TINAG: variants seen among roughly 807,000 people sequenced by gnomAD.
The protein encoded by TINAG is tubulointerstitial nephritis antigen.
TINAG carries 83 observed loss-of-function variants against 72.7 expected under a neutral mutation model. That is an observed-to-expected ratio of 1.14 (90% CI 0.96 to 1.37). The LOEUF (loss-of-function observed/expected upper bound fraction) is 1.37, where lower values mean the gene tolerates loss of function less well. TINAG is among the 40% of genes most tolerant of loss of function. The pLI, the probability that TINAG is intolerant of heterozygous loss-of-function variation, is 0.00. For missense variants in TINAG, 685 were observed against 576.6 expected, an observed-to-expected ratio of 1.19 and a Z score of -1.93; for synonymous variants, 234 against 189.9, an observed-to-expected ratio of 1.23 and a Z score of -1.91.
At chr6:54,345,797 C>T (rs1010177104) in intron 5 of TINAG, among the ~76,000 whole-genome samples, 2 of 151,844 alleles carry the variant, frequency 1.3e-5, no homozygotes, top group Non-Finnish European at 2.9e-5. Flanking sequence ...CAGCAATTTC[C>T]CTAAAGCATT....
chr6:54,370,320 G>A (rs1195657637), intron 9 of TINAG, among the ~76,000 whole-genome samples: 1 of 151,908 alleles, frequency 6.6e-6, no homozygotes, highest in Non-Finnish European at 1.5e-5. Context: ...TAAAGGTGGT[G>A]AAAAGAAAAG....
chr6:54,343,918 G>C (rs535405135), intron 5 of TINAG, among the ~76,000 whole-genome samples: 108 of 152,184 alleles, frequency 7.1e-4, no homozygotes, highest in African/African-American at 2.4e-3. Flanking sequence ...TAAGTCTACT[G>C]TTACTCAAAA....
chr6:54,324,388 C>T (rs1038537677), intron 3 of TINAG, among the ~76,000 whole-genome samples: 2 of 152,148 alleles, frequency 1.3e-5, no homozygotes, highest in Admixed American at 1.3e-4. Context: ...TTGGCTTCTT[C>T]TCATAATTAT....
At chr6:54,320,449 T>C (rs1016310720) in intron 1 of TINAG, 130 bp from the exon 2 acceptor site, 9 of 632,686 alleles carry the variant, frequency 1.4e-5, no homozygotes, top group Non-Finnish European at 2.4e-5. Context: ...CATGGATTTC[T>C]ATCAGCTTTT....
chr6:54,321,453 C>A, intron 3 of TINAG, 67 bp downstream of exon 3: 1 of 1,098,268 alleles, frequency 9.1e-7, no homozygotes, highest in Non-Finnish European at 1.4e-6. Context: ...CAATGTATTG[C>A]TTGGTTTCTA....
intron 9 of TINAG, among the ~76,000 whole-genome samples, chr6:54,380,016 G>T (rs1414336816): frequency 6.6e-6 from 1 of 152,032 alleles, no homozygotes; most frequent in African/African-American, 2.4e-5. Context: ...ACTTGTGAGT[G>T]AGAACATGCA....
chr6:54,320,444 AT>A, intron 1 of TINAG, 134 bp from the exon 2 acceptor site: 1 of 613,528 alleles, frequency 1.6e-6, no homozygotes, highest in Non-Finnish European at 2.7e-6. Flanking sequence ...CCTGACATGG[AT>A]TTCTATCAGC....
Position 54,380,942 on chromosome 6 carries a change from T to C in TINAG, c.1296+371T>C, listed in dbSNP as rs1012771927. On this transcript the variant is annotated intron_variant, in intron 10 of 10. Coordinates refer to ENST00000259782, the MANE Select transcript of TINAG (RefSeq NM_014464.4). ...GTTATGTTAGTATCATATATATACA[T>C]ATATATGTATATATATCCTATAGGA... Among the ~76,000 whole-genome samples the C allele has an allele frequency of 2.0e-5, 3 of 148,242 alleles. No homozygotes were observed. In the Admixed American group the frequency reaches 2.0e-4, roughly 10 times the overall value.
intron 1 of TINAG, among the ~76,000 whole-genome samples, chr6:54,315,127 T>G (rs1784342816): frequency 6.6e-6 from 1 of 152,168 alleles, no homozygotes; most frequent in Non-Finnish European, 1.5e-5. Flanking sequence ...TCCTCTGAGA[T>G]TCTATGATCA....
intron 9 of TINAG, among the ~76,000 whole-genome samples, chr6:54,364,623 TA>T (rs778226388): frequency 2.6e-5 from 4 of 151,288 alleles, no homozygotes; most frequent in Admixed American, 6.6e-5. Context: ...TATGAGAAAA[TA>T]AAAAAGTAAT....
intron 4 of TINAG, among the ~76,000 whole-genome samples, chr6:54,329,945 C>A (rs1201670044): frequency 6.6e-6 from 1 of 151,824 alleles, no homozygotes; most frequent in African/African-American, 2.4e-5. Flanking sequence ...TGTATGCACC[C>A]AATACAGGAG....
chr6:54,319,474 C>T (rs538294443), intron 1 of TINAG, among the ~76,000 whole-genome samples: 7 of 152,074 alleles, frequency 4.6e-5, no homozygotes, highest in African/African-American at 1.4e-4. Flanking sequence ...ATGATTGTGA[C>T]GTACCAAAAT....
intron 10 of TINAG, among the ~76,000 whole-genome samples, chr6:54,382,904 C>A (rs1562187474): frequency 6.6e-6 from 1 of 152,188 alleles, no homozygotes; most frequent in East Asian, 1.9e-4. Flanking sequence ...GAAGAGGAAC[C>A]TATCTTCTCA....
intron 1 of TINAG, among the ~76,000 whole-genome samples, chr6:54,310,837 T>G (rs1784235606): frequency 6.7e-6 from 1 of 149,636 alleles, no homozygotes; most frequent in Non-Finnish European, 1.5e-5. Flanking sequence ...TCTTTCTTTT[T>G]TCTCTCTCTC....
intron 10 of TINAG, among the ~76,000 whole-genome samples, chr6:54,389,079 C>T (rs1157801101): frequency 6.6e-6 from 1 of 152,002 alleles, no homozygotes; most frequent in Non-Finnish European, 1.5e-5. Context: ...ATGTTCTTTC[C>T]TCCCCTTCCA....
chr6:54,364,893 T>C (rs1344233807), intron 9 of TINAG, among the ~76,000 whole-genome samples: 1 of 151,506 alleles, frequency 6.6e-6, no homozygotes, highest in Non-Finnish European at 1.5e-5. Context: ...ATATTTTCCA[T>C]ACAAATAAAT....
At chr6:54,384,596 AATG>A (rs936353895) in intron 10 of TINAG, among the ~76,000 whole-genome samples, 2 of 152,292 alleles carry the variant, frequency 1.3e-5, no homozygotes, top group African/African-American at 4.8e-5. Flanking sequence ...TAATATTGAT[AATG>A]ATGAAGATAA....
At chr6:54,341,082 G>A (rs1784985749) in intron 4 of TINAG, among the ~76,000 whole-genome samples, 1 of 151,962 alleles carries the variant, frequency 6.6e-6, no homozygotes, top group Admixed American at 6.6e-5. Context: ...TAGAGTAGAA[G>A]GAACATATCC....
chr6:54,321,292 T>G lies in TINAG; in HGVS notation c.420-5T>G, dbSNP rs1784484069. On this transcript the variant is annotated splice_region_variant and splice_polypyrimidine_tract_variant and intron_variant, in intron 2 of 10. Transcript: ENST00000259782. ...GCCACTTTTGTAATTGTCATATCTTTGCAGCACATGCTCAGGACAGCAATG... is the reference window on the plus strand; with the variant it reads ...GCCACTTTTGTAATTGTCATATCTTGGCAGCACATGCTCAGGACAGCAATG... 1 of 1,612,990 alleles carries G rather than the reference T, an allele frequency of 6.2e-7. No individual in the cohort carries two copies. The highest frequency in any genetic ancestry group is 1.7e-5 in the Admixed American group (1 of 60,008).
Sources: gnomAD v4.1 joint callset for allele counts (sites outside exome capture counted in the v4.1 genomes callset) on GRCh38, gnomAD v4.1.1 for gene constraint, MANE v1.5 for transcripts, NCBI Gene and HGNC (gene_info 2026-07-23, HGNC 2026-07-21) for gene names.